The following MAP7 variants were observed in gnomAD, a reference collection of about 807,000 sequenced individuals.
The protein encoded by MAP7 is ensconsin.
MAP7 carries 52 observed loss-of-function variants against 94.8 expected under a neutral mutation model. The ratio of observed to expected loss-of-function variants is 0.55; its 90% CI spans 0.44 to 0.69. The LOEUF (loss-of-function observed/expected upper bound fraction) is 0.69. MAP7 is among the 30% of genes least tolerant of loss of function. MAP7 has a pLI of 0.00. For missense variants in MAP7, 940 were observed against 964.6 expected (o/e 0.97, Z 0.34); for synonymous variants, 350 against 357.0 (o/e 0.98, Z 0.22).
At chr6:136,413,948 T>C (rs1788346466) in intron 2 of MAP7, among the ~76,000 whole-genome samples, 1 of 150,058 alleles carries the variant, frequency 6.7e-6, no homozygotes, top group African/African-American at 2.4e-5. Context: ...AGGGGATGGT[T>C]CTTAAAAATT....
chr6:136,354,652 G>A (rs1790362766), intron 16 of MAP7, among the ~76,000 whole-genome samples: 1 of 151,770 alleles, frequency 6.6e-6, no homozygotes, highest in Non-Finnish European at 1.5e-5. Context: ...CTAATGGTTT[G>A]ACAGGGATTA....
At chr6:136,377,353 T>C (rs182470840) in intron 7 of MAP7, among the ~76,000 whole-genome samples, 1 of 152,386 alleles carries the variant, frequency 6.6e-6, no homozygotes, top group East Asian at 1.9e-4. Context: ...AACTATATGC[T>C]GAAATAACAG....
chr6:136,462,113 T>A (rs1805425602), intron 1 of MAP7, among the ~76,000 whole-genome samples: 1 of 151,494 alleles, frequency 6.6e-6, no homozygotes, highest in Non-Finnish European at 1.5e-5. Flanking sequence ...GGAGGATTGC[T>A]TACTTGAGCC....
chr6:136,441,173 C>T (rs1012327369), intron 1 of MAP7, among the ~76,000 whole-genome samples: 10 of 152,108 alleles, frequency 6.6e-5, no homozygotes, highest in African/African-American at 1.9e-4. Context: ...AGATCTCTTC[C>T]GCATGCTGAT....
At position 136,343,366 on chromosome 6, in the gene MAP7, G is replaced by A. The variant is rs1786920824; in HGVS notation, c.*862C>T. The A allele has an allele frequency of 6.6e-6, 1 of 152,586 alleles. No homozygotes were observed. Among genetic ancestry groups the A allele is most frequent in the Non-Finnish European group, 1.5e-5 (1 of 68,018 alleles). 9.5% of individuals were successfully genotyped at this position (152,586 alleles called of 1,614,324 possible). A position where few individuals can be genotyped will look rare whatever the true frequency, so the allele number is the denominator to read the frequency against. On this transcript the variant is annotated 3_prime_UTR_variant, in exon 18 of 18. Transcript: ENST00000354570. ...CCCAACATAATTTGTGATCAGGTAA[G>A]GCAAAGATAAGTCCACCATCACTGG...
chr6:136,399,351 T>A (rs1302105458), intron 3 of MAP7, among the ~76,000 whole-genome samples: 1 of 152,194 alleles, frequency 6.6e-6, no homozygotes, highest in Non-Finnish European at 1.5e-5. Flanking sequence ...CCTTTTCTTT[T>A]TCTTTTTTGG....
intron 10 of MAP7, chr6:136,364,162 C>A: frequency 4.2e-6 from 2 of 481,156 alleles, no homozygotes; most frequent in Non-Finnish European, 8.2e-6. Context: ...CTGCATTCTG[C>A]ATAAGGCTCG....
chr6:136,368,909 A>G (rs1221085186), intron 8 of MAP7, among the ~76,000 whole-genome samples: 3 of 152,248 alleles, frequency 2.0e-5, no homozygotes, highest in African/African-American at 4.8e-5. Context: ...TAAAAATTCA[A>G]CCCAAAATTC....
chr6:136,505,513 A>C (rs1158043218), intron 1 of MAP7, among the ~76,000 whole-genome samples: 4 of 151,688 alleles, frequency 2.6e-5, no homozygotes, highest in African/African-American at 9.7e-5. Flanking sequence ...AGTTCCAATA[A>C]AAATATTTGC....
Position 136,425,284 on chromosome 6 carries a change from A to G in MAP7, c.68-3485T>C, listed in dbSNP as rs554053090. 7.9e-5 allele frequency among the ~76,000 whole-genome samples: 12 copies of G among 152,388 alleles called. No individual in the cohort carries two copies. In the South Asian group the frequency reaches 2.5e-3, roughly 32 times the overall value. ...AACTGAAACCTCAAAAAGCGAAATC[A>G]TGGATAAGGAGGAACTACTGCATAC... On this transcript the variant is annotated intron_variant, in intron 1 of 17. Transcript: ENST00000354570.
At chr6:136,368,577 C>A (rs770899929) in intron 8 of MAP7, among the ~76,000 whole-genome samples, 2 of 152,066 alleles carry the variant, frequency 1.3e-5, no homozygotes, top group African/African-American at 2.4e-5. Context: ...CCACATTTGC[C>A]TATTTGAATT....
intron 7 of MAP7, among the ~76,000 whole-genome samples, chr6:136,376,387 C>A (rs1776172065): frequency 6.6e-6 from 1 of 152,358 alleles, no homozygotes; most frequent in Admixed American, 6.5e-5. Context: ...GCGTGAGCCA[C>A]CACGCCCGGC....
intron 1 of MAP7, among the ~76,000 whole-genome samples, chr6:136,484,775 C>T (rs1814082007): frequency 6.6e-6 from 1 of 152,210 alleles, no homozygotes; most frequent in Non-Finnish European, 1.5e-5. Flanking sequence ...TCATAGCTCA[C>T]TGCAGCCTCA....
At chr6:136,545,225 T>C (rs1829635283) in intron 1 of MAP7, 1 of 152,038 alleles carries the variant, frequency 6.6e-6, no homozygotes, top group Non-Finnish European at 1.5e-5. Context: ...ACCTAGCCCT[T>C]CATTGATCTC....
chr6:136,469,376 TTCTC>T (rs927763911), intron 1 of MAP7, among the ~76,000 whole-genome samples: 1 of 151,952 alleles, frequency 6.6e-6, no homozygotes, highest in Non-Finnish European at 1.5e-5. Context: ...TTTCCTTTCT[TTCTC>T]TCTCTTTCTC....
chr6:136,497,295 C>T (rs1583068829), intron 1 of MAP7, among the ~76,000 whole-genome samples: 1 of 151,976 alleles, frequency 6.6e-6, no homozygotes, highest in South Asian at 2.1e-4. Context: ...TATTTTTGCC[C>T]ACAAGAAAAT....
intron 6 of MAP7, among the ~76,000 whole-genome samples, chr6:136,381,919 C>CACACACACACACACACACAGAG (rs373754692): frequency 2.9e-5 from 3 of 103,034 alleles, no homozygotes; most frequent in Non-Finnish European, 5.8e-5. Flanking sequence ...CACACACACA[C>CACACACACACACACACACAGAG]AGAGAGAGAG....
intron 1 of MAP7, among the ~76,000 whole-genome samples, chr6:136,528,065 A>G (rs1828150196): frequency 6.6e-6 from 1 of 152,250 alleles, no homozygotes; most frequent in African/African-American, 2.4e-5. Context: ...TTTACATGCG[A>G]GGAAGCTGAA....
chr6:136,414,555 A>G (rs1389851434), intron 2 of MAP7, among the ~76,000 whole-genome samples: 1 of 152,142 alleles, frequency 6.6e-6, no homozygotes, highest in East Asian at 1.9e-4. Context: ...AACTCGGGAT[A>G]AAAGTCAAGA....
Sources: allele counts gnomAD v4.1 joint callset (sites outside exome capture counted in the v4.1 genomes callset), GRCh38; gene constraint gnomAD v4.1.1; transcripts MANE v1.5; gene names NCBI Gene and HGNC (gene_info 2026-07-23, HGNC 2026-07-21).